Variants in CFAP144 observed in about 807,000 individuals in gnomAD.
The protein encoded by CFAP144 is cilia- and flagella-associated protein 144.
chr1:43,144,640 C>T, the CFAP144 span, among the ~76,000 whole-genome samples: 16 of 152,112 alleles, frequency 1.1e-4, no homozygotes, highest in African/African-American at 2.7e-4. Flanking sequence ...TACCCCTCTC[C>T]GAATAATGTC....
At chr1:43,156,179 T>A in the CFAP144 span, 1 of 1,605,530 alleles carries the variant, frequency 6.2e-7, no homozygotes. Flanking sequence ...CACAGGCTTC[T>A]TTCTGATTCT....
At chr1:43,155,850 A>G in the CFAP144 span, among the ~76,000 whole-genome samples, 1 of 152,258 alleles carries the variant, frequency 6.6e-6, no homozygotes. Context: ...TGTAACTTCT[A>G]TAAGATCGAT....
chr1:43,156,241 C>G, the CFAP144 span: 1 of 1,614,008 alleles, frequency 6.2e-7, no homozygotes, highest in South Asian at 1.1e-5. Flanking sequence ...GGCTGAATCA[C>G]TTCAGGGTCT....
the CFAP144 span, chr1:43,148,157 C>G: frequency 5.6e-6 from 8 of 1,437,634 alleles, no homozygotes; most frequent in Non-Finnish European, 6.6e-6. Flanking sequence ...CTCCGGGTTG[C>G]GGGGTGGGAA....
chr1:43,144,313 G>A, the CFAP144 span, among the ~76,000 whole-genome samples: 85 of 152,268 alleles, frequency 5.6e-4, no homozygotes, highest in African/African-American at 2.0e-3. Flanking sequence ...GACCAAAAGG[G>A]ATGTGTATGT....
At chr1:43,154,227 T>A in the CFAP144 span, among the ~76,000 whole-genome samples, 4 of 144,334 alleles carry the variant, frequency 2.8e-5, no homozygotes, top group Non-Finnish European at 6.1e-5. Flanking sequence ...TATATAAATT[T>A]TTATATAAAA....
At chr1:43,151,673 T>G in the CFAP144 span, among the ~76,000 whole-genome samples, 1 of 152,100 alleles carries the variant, frequency 6.6e-6, no homozygotes, top group Non-Finnish European at 1.5e-5. Flanking sequence ...AGATATTTGG[T>G]GGAAAACCTG....
chr1:43,154,112 T>G, the CFAP144 span, among the ~76,000 whole-genome samples: 1 of 142,428 alleles, frequency 7.0e-6, no homozygotes, highest in Non-Finnish European at 1.5e-5. Flanking sequence ...TCTCTTTTTA[T>G]ATATATAAAA....
the CFAP144 span, chr1:43,147,915 A>G: frequency 4.7e-5 from 76 of 1,610,018 alleles, no homozygotes; most frequent in African/African-American, 9.9e-4. Flanking sequence ...GAGACTGTGG[A>G]AGGCCCAGGC....
chr1:43,151,249 G>T, the CFAP144 span, among the ~76,000 whole-genome samples: 15 of 152,196 alleles, frequency 9.9e-5, no homozygotes, highest in Admixed American at 9.2e-4. Flanking sequence ...CAGGATTGAT[G>T]TGAGGATTAA....
At chr1:43,151,545 G>T in the CFAP144 span, among the ~76,000 whole-genome samples, 1 of 152,172 alleles carries the variant, frequency 6.6e-6, no homozygotes, top group East Asian at 1.9e-4. Context: ...AGAAGATTGT[G>T]GAAGGACATT....
At chr1:43,150,675 GGGTGCCCTGTTTAA>G in the CFAP144 span, 1 of 1,186,722 alleles carries the variant, frequency 8.4e-7, no homozygotes, top group Non-Finnish European at 1.2e-6. Flanking sequence ...AGTGCCAAAT[GGGTGCCCTGTTTAA>G]GGTGGACCTT....
the CFAP144 span, among the ~76,000 whole-genome samples, chr1:43,154,149 T>TA: frequency 2.1e-5 from 3 of 142,580 alleles, no homozygotes; most frequent in Non-Finnish European, 4.6e-5. Flanking sequence ...TATATATATA[T>TA]TCTCTCTTTT....
the CFAP144 span, chr1:43,150,839 A>C: frequency 1.1e-5 from 17 of 1,595,018 alleles, no homozygotes; most frequent in East Asian, 3.6e-4. Context: ...TGGGCTTTGA[A>C]ATGCCATTGA....
the CFAP144 span, among the ~76,000 whole-genome samples, chr1:43,148,644 C>T: frequency 6.6e-6 from 1 of 152,296 alleles, no homozygotes; most frequent in African/African-American, 2.4e-5. Context: ...CCCACAGGCA[C>T]CTCAGACCCA....
At chr1:43,147,737 G>T in the CFAP144 span, 1 of 1,417,010 alleles carries the variant, frequency 7.1e-7, no homozygotes, top group Non-Finnish European at 9.2e-7. Context: ...CCAGAATAGG[G>T]CGGGGCGCGA....
At chr1:43,147,841 C>T in the CFAP144 span, 3 of 1,542,556 alleles carry the variant, frequency 1.9e-6, no homozygotes, top group South Asian at 3.6e-5. Flanking sequence ...CAGCACTACC[C>T]GAGCGCTGTT....
the CFAP144 span, chr1:43,152,901 C>A: frequency 6.2e-7 from 1 of 1,613,400 alleles, no homozygotes; most frequent in South Asian, 1.1e-5. Context: ...AGACTGAAAA[C>A]CAGGAAGTTG....
chr1:43,147,695 G>A, the CFAP144 span: 1 of 863,842 alleles, frequency 1.2e-6, no homozygotes, highest in Non-Finnish European at 1.4e-6. Flanking sequence ...TAACCAGCCG[G>A]GCCTGAGGAG....
Sources: allele counts gnomAD v4.1 joint callset (sites outside exome capture counted in the v4.1 genomes callset), GRCh38; gene constraint gnomAD v4.1.1; transcripts MANE v1.5; gene names NCBI Gene and HGNC (gene_info 2026-07-23, HGNC 2026-07-21).